The following PLEKHS1 variants were observed in gnomAD, a reference collection of about 807,000 sequenced individuals.
The protein encoded by PLEKHS1 is pleckstrin homology domain-containing family S member 1.
In PLEKHS1, 55 loss-of-function variants were observed where a neutral mutation model predicts 51.0. That is an observed-to-expected ratio of 1.08 (90% CI 0.87 to 1.35). The LOEUF (loss-of-function observed/expected upper bound fraction) is 1.35, where lower values mean the gene tolerates loss of function less well. PLEKHS1 is among the 40% of genes most tolerant of loss of function. PLEKHS1 has a pLI of 0.00. For synonymous variants in PLEKHS1, 153 were observed against 144.8 expected, an observed-to-expected ratio of 1.06 and a Z score of -0.41; for missense variants, 398 against 423.0, an observed-to-expected ratio of 0.94 and a Z score of 0.52.
intron 7 of PLEKHS1, among the ~76,000 whole-genome samples, chr10:113,770,410 C>T (rs1490194485): frequency 6.6e-6 from 1 of 152,198 alleles, no homozygotes; most frequent in Non-Finnish European, 1.5e-5. Flanking sequence ...ATATAATGTA[C>T]CTGCCTCTTG....
At chr10:113,757,898 A>C (rs1451640247) in intron 2 of PLEKHS1, among the ~76,000 whole-genome samples, 1 of 152,226 alleles carries the variant, frequency 6.6e-6, no homozygotes, top group Non-Finnish European at 1.5e-5. Context: ...TCAAGAAAAC[A>C]CTTTCTTTTC....
intron 11 of PLEKHS1, among the ~76,000 whole-genome samples, chr10:113,776,747 T>C (rs77213249): frequency 0.017 from 2,636 of 152,324 alleles, 77 homozygotes; most frequent in African/African-American, 0.061. Flanking sequence ...GACATCATAC[T>C]TCTGGGGTCA....
At chr10:113,772,258 T>C (rs756634442) in intron 8 of PLEKHS1, among the ~76,000 whole-genome samples, 169 bp downstream of exon 8, 3 of 152,138 alleles carry the variant, frequency 2.0e-5, no homozygotes, top group Non-Finnish European at 2.9e-5. Context: ...ACAGCTGTAA[T>C]ACAAGACAGA....
intron 2 of PLEKHS1, among the ~76,000 whole-genome samples, chr10:113,763,102 C>T (rs1270045481): frequency 3.3e-5 from 5 of 151,974 alleles, no homozygotes; most frequent in African/African-American, 1.2e-4. Flanking sequence ...TCAGTTTTTG[C>T]TTCATGTATT....
intron 5 of PLEKHS1, 109 bp from the exon 6 acceptor site, chr10:113,768,706 G>A (rs892870421): frequency 7.5e-6 from 6 of 798,440 alleles, no homozygotes; most frequent in Admixed American, 2.9e-5. Flanking sequence ...TTCTTATTTC[G>A]CTGGTACCTG....
At chr10:113,771,873 T>C in intron 7 of PLEKHS1, 97 bp from the exon 8 acceptor site, 1 of 1,431,192 alleles carries the variant, frequency 7.0e-7, no homozygotes, top group East Asian at 2.3e-5. Flanking sequence ...TGGTCTTTTT[T>C]AACCCAACTA....
At chr10:113,775,782 G>A in exon 11 of PLEKHS1, 3 of 1,612,562 alleles carry the variant, frequency 1.9e-6, no homozygotes, top group Middle Eastern at 1.7e-4. Flanking sequence ...CCCGATGAAA[G>A]CCAAGTGGAG....
At chr10:113,753,996 T>A (rs1052390642) in intron 1 of PLEKHS1, among the ~76,000 whole-genome samples, 4 of 152,028 alleles carry the variant, frequency 2.6e-5, no homozygotes, top group African/African-American at 9.7e-5. Flanking sequence ...TTAGTAGAGA[T>A]GGGGTTTTGC....
intron 2 of PLEKHS1, chr10:113,765,349 C>A: frequency 1.3e-6 from 1 of 779,320 alleles, no homozygotes; most frequent in Non-Finnish European, 2.4e-6. Flanking sequence ...AGTACTCTAC[C>A]CAATGCCCTG....
At chr10:113,754,854 C>T (rs766628878) in intron 1 of PLEKHS1, among the ~76,000 whole-genome samples, 2 of 152,232 alleles carry the variant, frequency 1.3e-5, no homozygotes, top group Non-Finnish European at 2.9e-5. Flanking sequence ...CTTGGGCTTC[C>T]TCTCAGCCAG....
In PLEKHS1 at chr10:113,775,871, G is replaced by T. The variant is rs369386027; in HGVS notation, c.1091+5G>T. The T allele has an allele frequency of 1.2e-5, 19 of 1,593,696 alleles. No individual in the cohort carries two copies. The African/African-American group carries it at 2.4e-4, about 20-fold the overall frequency. On this transcript the variant is annotated splice_donor_5th_base_variant and intron_variant, in intron 11 of 11. Transcript: ENST00000361048. ...AGAAGCCACAGGACGGATATGGTAG[G>T]TTGGAGATTTGACTGTTGTGGATTA...
chr10:113,755,136 A>T, intron 1 of PLEKHS1, 123 bp from the exon 2 acceptor site: 1 of 1,030,774 alleles, frequency 9.7e-7, no homozygotes, highest in Non-Finnish European at 1.4e-6. Context: ...GGAATGGGAG[A>T]CTCACAACCC....
chr10:113,774,473 C>T (rs1367852418), intron 9 of PLEKHS1, 140 bp downstream of exon 9: 2 of 614,812 alleles, frequency 3.3e-6, no homozygotes, highest in Non-Finnish European at 5.6e-6. Context: ...TCAGTCGTCT[C>T]AACACACAAA....
At chr10:113,766,988 G>C (rs922208476) in intron 4 of PLEKHS1, among the ~76,000 whole-genome samples, 24 of 152,310 alleles carry the variant, frequency 1.6e-4, no homozygotes, top group Middle Eastern at 3.4e-3. Flanking sequence ...TTGTGGATGA[G>C]AGGGAGCAGA....
chr10:113,777,378 C>A (rs1353247891), intron 11 of PLEKHS1, 119 bp downstream of exon 12: 1 of 1,609,432 alleles, frequency 6.2e-7, no homozygotes, highest in South Asian at 1.1e-5. Flanking sequence ...ATTCTTCCAC[C>A]ATCAAGTGCA....
intron 11 of PLEKHS1, 31 bp downstream of exon 12, chr10:113,777,290 C>A: frequency 6.2e-7 from 1 of 1,610,934 alleles, no homozygotes; most frequent in Non-Finnish European, 8.5e-7. Flanking sequence ...CTGAACAGGG[C>A]AAATCAGTAC....
chr10:113,774,938 G>T, exon 10 of PLEKHS1: 1 of 1,614,176 alleles, frequency 6.2e-7, no homozygotes, highest in Non-Finnish European at 8.5e-7. Context: ...CTCAGGAATT[G>T]ATTGGTGTCT....
chr10:113,777,035 C>A (rs916011292), intron 11 of PLEKHS1, 89 bp from the exon 12 acceptor site: 1 of 1,475,722 alleles, frequency 6.8e-7, no homozygotes, highest in Admixed American at 1.9e-5. Context: ...GGTGGTGCCA[C>A]GTGACCTAGA....
chr10:113,753,412 G>A lies in PLEKHS1; in HGVS notation c.-20+1651G>A, dbSNP rs138495077. Among the ~76,000 whole-genome samples, 101 of 152,236 alleles carry A rather than the reference G, an allele frequency of 6.6e-4. No homozygotes were observed. The South Asian group carries it at 0.018, about 27-fold the overall frequency. ...GTGGGCAAGGTTTTGAAGAGGTTACGTTCTCTTTCTCACACAGAATTGCTC... is the reference window on the plus strand; with the variant it reads ...GTGGGCAAGGTTTTGAAGAGGTTACATTCTCTTTCTCACACAGAATTGCTC... On this transcript the variant is annotated intron_variant, in intron 1 of 11. Coordinates refer to ENST00000361048, the Ensembl canonical transcript of PLEKHS1.
Sources: gnomAD v4.1 joint callset for allele counts (sites outside exome capture counted in the v4.1 genomes callset) on GRCh38, gnomAD v4.1.1 for gene constraint, MANE v1.5 for transcripts, NCBI Gene and HGNC (gene_info 2026-07-23, HGNC 2026-07-21) for gene names.